Variants in CYB5R4 observed in about 807,000 individuals in gnomAD.
The protein encoded by CYB5R4 is N-terminal cytochrome b5 and cytochrome b5 oxidoreductase domain-containing protein.
CYB5R4 carries 55 observed loss-of-function variants against 70.2 expected under a neutral mutation model. That is an observed-to-expected ratio of 0.78 (90% CI 0.63 to 0.98). The LOEUF is 0.98. Ranked by LOEUF, CYB5R4 falls within the 50% of genes least tolerant of loss-of-function variation. The probability of loss-of-function intolerance (pLI) is 0.00; values close to 1 mark genes in which losing one functional copy is unlikely to be tolerated. For missense variants in CYB5R4, 562 were observed against 612.6 expected (o/e 0.92, Z 0.87); for synonymous variants, 197 against 199.5 (o/e 0.99, Z 0.11).
At position 83,940,304 on chromosome 6, in the gene CYB5R4, T is replaced by C. The variant is rs1225899237; in HGVS notation, c.1259+98T>C. 2.5e-6 allele frequency: 3 copies of C among 1,202,078 alleles called. No homozygotes were observed. In the East Asian group the frequency reaches 7.5e-5, roughly 30 times the overall value. 74.5% of individuals were successfully genotyped at this position (1,202,078 alleles called of 1,614,324 possible). On this transcript the variant is annotated intron_variant, in intron 13 of 15. Coordinates refer to ENST00000369681, the MANE Select transcript of CYB5R4 (RefSeq NM_016230.4). ...ACTCACTGGACCTTAATAGACATGT[T>C]ACCATTTCCTCATTCATCATTTCTT...
intron 10 of CYB5R4, among the ~76,000 whole-genome samples, chr6:83,928,282 A>G (rs1294028265): frequency 1.3e-5 from 2 of 152,216 alleles, no homozygotes; most frequent in Non-Finnish European, 2.9e-5. Flanking sequence ...GAGTATGGGA[A>G]ATTTAGTTTC....
chr6:83,943,421 CA>C (rs879280344), intron 14 of CYB5R4, among the ~76,000 whole-genome samples: 35 of 146,326 alleles, frequency 2.4e-4, no homozygotes, highest in Admixed American at 4.1e-4. Context: ...GCATCAACAT[CA>C]AAAAAAAAAG....
chr6:83,869,471 A>G (rs2099457245), intron 2 of CYB5R4, among the ~76,000 whole-genome samples: 2 of 152,194 alleles, frequency 1.3e-5, no homozygotes, highest in African/African-American at 2.4e-5. Flanking sequence ...CAGCGTGCAC[A>G]TTCCTAGCTG....
chr6:83,933,573 A>G (rs1269464252), intron 10 of CYB5R4, among the ~76,000 whole-genome samples: 1 of 152,192 alleles, frequency 6.6e-6, no homozygotes, highest in Non-Finnish European at 1.5e-5. Context: ...ATTCATTTAC[A>G]TCTCTGTAAA....
intron 12 of CYB5R4, among the ~76,000 whole-genome samples, chr6:83,936,789 G>A (rs1466837549): frequency 6.6e-6 from 1 of 152,038 alleles, no homozygotes; most frequent in Non-Finnish European, 1.5e-5. Context: ...ACCTCTGATG[G>A]GTCCCCATTA....
At chr6:83,952,068 T>A (rs1445756298) in intron 14 of CYB5R4, among the ~76,000 whole-genome samples, 1 of 152,180 alleles carries the variant, frequency 6.6e-6, no homozygotes, top group African/African-American at 2.4e-5. Flanking sequence ...GTTGTTAGTG[T>A]CATTATTTTT....
intron 3 of CYB5R4, among the ~76,000 whole-genome samples, chr6:83,904,851 T>G (rs1410424256): frequency 1.3e-5 from 2 of 152,234 alleles, no homozygotes; most frequent in African/African-American, 4.8e-5. Context: ...CTGAACTTCT[T>G]TAGAATCAAT....
chr6:83,902,640 T>C (rs2099463172), intron 3 of CYB5R4, among the ~76,000 whole-genome samples: 1 of 152,166 alleles, frequency 6.6e-6, no homozygotes. Context: ...TTACTAATTC[T>C]TCTGATCCAT....
At chr6:83,901,097 G>A (rs530924332) in intron 3 of CYB5R4, among the ~76,000 whole-genome samples, 2 of 152,324 alleles carry the variant, frequency 1.3e-5, no homozygotes, top group East Asian at 3.9e-4. Context: ...TGCAGTGGCT[G>A]GTGCCGGTTG....
At chr6:83,862,851 C>G (rs752414998) in intron 1 of CYB5R4, among the ~76,000 whole-genome samples, 1 of 152,084 alleles carries the variant, frequency 6.6e-6, no homozygotes, top group Non-Finnish European at 1.5e-5. Context: ...ATCAAGAGAC[C>G]TAGAGTTTCA....
intron 10 of CYB5R4, among the ~76,000 whole-genome samples, chr6:83,926,013 T>C (rs887163012): frequency 6.6e-6 from 1 of 152,240 alleles, no homozygotes; most frequent in African/African-American, 2.4e-5. Context: ...TGGTAATGTT[T>C]TCTTCTCACT....
chr6:83,944,777 GA>G (rs1562845443), intron 14 of CYB5R4, among the ~76,000 whole-genome samples: 3 of 151,882 alleles, frequency 2.0e-5, no homozygotes, highest in Non-Finnish European at 2.9e-5. Context: ...AAAAAAGCAG[GA>G]GTTGCAATCC....
chr6:83,956,099 C>T (rs1588588919), intron 15 of CYB5R4, among the ~76,000 whole-genome samples: 1 of 152,020 alleles, frequency 6.6e-6, no homozygotes, highest in East Asian at 1.9e-4. Flanking sequence ...TTCTAAGTGC[C>T]CTATTCTTAT....
rs575165312 is a variant in CYB5R4 at position 83,883,659 on chromosome 6, G to A, written c.230-9863G>A. ...CTGCAATATAAGATAGATGCTAAAA[G>A]GCATTCATCAGGTTGAAAGTTAGTG... On this transcript the variant is annotated intron_variant, in intron 2 of 15. Transcript: ENST00000369681. Among the ~76,000 whole-genome samples the A allele has an allele frequency of 3.9e-5, 6 of 152,180 alleles. No individual in the cohort carries two copies. In the East Asian group the frequency reaches 1.2e-3, roughly 29 times the overall value.
intron 2 of CYB5R4, among the ~76,000 whole-genome samples, chr6:83,882,104 A>G (rs1322420929): frequency 2.6e-5 from 4 of 152,214 alleles, no homozygotes; most frequent in South Asian, 2.1e-4. Context: ...CTGGTGAACA[A>G]TCAAAACTGG....
Position 83,955,542 on chromosome 6 carries a change from C to T in CYB5R4, c.1511+80C>T, listed in dbSNP as rs985946443. 7.6e-6 allele frequency: 10 copies of T among 1,323,462 alleles called. No individual in the cohort carries two copies. The African/African-American group carries it at 1.5e-4, about 19-fold the overall frequency. 82.0% of individuals were successfully genotyped at this position (1,323,462 alleles called of 1,614,324 possible). On this transcript the variant is annotated intron_variant, in intron 15 of 15. Coordinates refer to ENST00000369681, the MANE Select transcript of CYB5R4 (RefSeq NM_016230.4). Reference sequence around the variant, plus strand: ...CATAACAAGCATCTCTCAGTTCTTCCTGTTTATATGAAACTGCACTTTAAT... The same window carrying T: ...CATAACAAGCATCTCTCAGTTCTTCTTGTTTATATGAAACTGCACTTTAAT...
Position 83,959,851 on chromosome 6 carries a change from A to C in CYB5R4, c.1539A>C (p.Lys513Asn). The change falls in exon 16 of 16, where the codon AAA (lysine) becomes AAC (asparagine). Residue 513 changes from lysine to asparagine, a missense_variant. Lys to Asn is a moderately conservative substitution (Grantham distance 94). Transcript: ENST00000369681. Reference protein sequence around the residue: ...VRLLHDLNFSKNEIHSFTA With the variant: ...VRLLHDLNFSNNEIHSFTA ...TGCTGCATGATCTCAACTTTTCCAA[A>C]AATGAGATCCATAGTTTTACAGCAT... 6.2e-7 allele frequency: 1 copy of C among 1,601,570 alleles called. No homozygotes were observed. The highest frequency in any genetic ancestry group is 1.3e-5 in the African/African-American group (1 of 74,834).
At chr6:83,885,598 T>C (rs944050512) in intron 2 of CYB5R4, among the ~76,000 whole-genome samples, 1 of 152,218 alleles carries the variant, frequency 6.6e-6, no homozygotes, top group Non-Finnish European at 1.5e-5. Flanking sequence ...CGCTTTAATC[T>C]TGCATTGTAC....
At chr6:83,877,727 A>G (rs181689151) in intron 2 of CYB5R4, among the ~76,000 whole-genome samples, 1 of 152,344 alleles carries the variant, frequency 6.6e-6, no homozygotes, top group African/African-American at 2.4e-5. Flanking sequence ...TCAAATTTCA[A>G]CATGAAGTTT....
Sources: gnomAD v4.1 joint callset for allele counts (sites outside exome capture counted in the v4.1 genomes callset) on GRCh38, gnomAD v4.1.1 for gene constraint, MANE v1.5 for transcripts, NCBI Gene and HGNC (gene_info 2026-07-23, HGNC 2026-07-21) for gene names.